Variants in SCHIP1 observed in about 807,000 individuals in gnomAD.
SCHIP1 encodes the protein schwannomin-interacting protein 1.
A neutral mutation model predicts 29.7 loss-of-function variants in SCHIP1; 8 were observed. That is an observed-to-expected ratio of 0.27 (90% CI 0.16 to 0.49). The LOEUF is 0.49. SCHIP1 is among the 20% of genes least tolerant of loss of function. SCHIP1 has a pLI of 0.99. For missense variants in SCHIP1, 193 were observed against 294.6 expected, an observed-to-expected ratio of 0.66 and a Z score of 2.52; for synonymous variants, 76 against 94.9, an observed-to-expected ratio of 0.80 and a Z score of 1.16.
the SCHIP1 span, among the ~76,000 whole-genome samples, chr3:159,392,304 ACT>A: frequency 6.6e-6 from 1 of 151,730 alleles, no homozygotes; most frequent in Non-Finnish European, 1.5e-5. Flanking sequence ...TCTTGCCAGC[ACT>A]CTTTTTTTCC....
chr3:159,585,329 C>A, the SCHIP1 span, among the ~76,000 whole-genome samples: 1 of 152,080 alleles, frequency 6.6e-6, no homozygotes, highest in South Asian at 2.1e-4. Context: ...GAATCCATGA[C>A]CTTAAAAGGG....
chr3:159,716,806 C>T, the SCHIP1 span, among the ~76,000 whole-genome samples: 2 of 152,148 alleles, frequency 1.3e-5, no homozygotes, highest in Non-Finnish European at 2.9e-5. Flanking sequence ...TTTAACACCC[C>T]ACTGTCAACA....
the SCHIP1 span, among the ~76,000 whole-genome samples, chr3:159,496,240 C>T: frequency 6.6e-6 from 1 of 152,038 alleles, no homozygotes; most frequent in Middle Eastern, 3.2e-3. Flanking sequence ...CAACAAAAAC[C>T]AAAATTGACA....
chr3:159,625,192 T>G, the SCHIP1 span, among the ~76,000 whole-genome samples: 130 of 152,280 alleles, frequency 8.5e-4, 2 homozygotes, highest in East Asian at 0.022. Flanking sequence ...GTCCACCTCC[T>G]AAATCTCCCA....
chr3:159,464,532 A>G, the SCHIP1 span, among the ~76,000 whole-genome samples: 3 of 152,178 alleles, frequency 2.0e-5, no homozygotes, highest in Non-Finnish European at 4.4e-5. Flanking sequence ...TGAAGGTTCA[A>G]ATGGTATGGT....
the SCHIP1 span, among the ~76,000 whole-genome samples, chr3:159,630,225 A>G: frequency 6.6e-6 from 1 of 152,124 alleles, no homozygotes; most frequent in Non-Finnish European, 1.5e-5. Flanking sequence ...GATGAAAGAA[A>G]AACACACATA....
the SCHIP1 span, chr3:159,721,845 C>A: frequency 5.0e-6 from 2 of 397,034 alleles, no homozygotes; most frequent in South Asian, 2.1e-5. Flanking sequence ...AGCATTGATG[C>A]TGAGGTCCAC....
chr3:159,718,032 G>A, the SCHIP1 span, among the ~76,000 whole-genome samples: 28 of 152,172 alleles, frequency 1.8e-4, no homozygotes, highest in Non-Finnish European at 3.1e-4. Flanking sequence ...CTTATACACC[G>A]TGATTAAGTG....
chr3:159,756,206 C>G, the SCHIP1 span, among the ~76,000 whole-genome samples: 1 of 152,240 alleles, frequency 6.6e-6, no homozygotes, highest in Non-Finnish European at 1.5e-5. Flanking sequence ...AGGGCCCCAC[C>G]CTTGCAGCAA....
chr3:159,274,648 C>T, the SCHIP1 span: 3 of 816,046 alleles, frequency 3.7e-6, no homozygotes, highest in Admixed American at 6.2e-5. Flanking sequence ...ACACAACCAA[C>T]GAAGAAATAA....
At chr3:159,798,648 C>T in the SCHIP1 span, among the ~76,000 whole-genome samples, 2 of 152,040 alleles carry the variant, frequency 1.3e-5, no homozygotes, top group African/African-American at 4.8e-5. Context: ...ATCCCAGCTA[C>T]TCGGGAGCCT....
the SCHIP1 span, among the ~76,000 whole-genome samples, chr3:159,411,408 T>C: frequency 1.3e-5 from 2 of 152,100 alleles, no homozygotes; most frequent in African/African-American, 2.4e-5. Flanking sequence ...TAAATATGTA[T>C]ACCTACTCTG....
At chr3:159,599,370 C>A in the SCHIP1 span, among the ~76,000 whole-genome samples, 1 of 152,118 alleles carries the variant, frequency 6.6e-6, no homozygotes, top group East Asian at 1.9e-4. Flanking sequence ...AAGCAGTGTA[C>A]ACTGTACCCA....
chr3:159,739,417 C>T, the SCHIP1 span, among the ~76,000 whole-genome samples: 27 of 152,262 alleles, frequency 1.8e-4, no homozygotes, highest in African/African-American at 5.3e-4. Context: ...ACAGAGATGA[C>T]GGTGGCCTAG....
At chr3:159,673,646 C>G in the SCHIP1 span, among the ~76,000 whole-genome samples, 1 of 152,180 alleles carries the variant, frequency 6.6e-6, no homozygotes. Context: ...CCTTCTAGGT[C>G]CCCTGAAAGG....
chr3:159,869,889 C>T (rs1042208625), intron 2 of SCHIP1, among the ~76,000 whole-genome samples: 2 of 151,868 alleles, frequency 1.3e-5, no homozygotes, highest in Non-Finnish European at 2.9e-5. Flanking sequence ...AAGGTTTAGA[C>T]ATATTACACA....
the SCHIP1 span, among the ~76,000 whole-genome samples, chr3:159,366,551 C>CCACTT: frequency 2.0e-5 from 3 of 152,148 alleles, no homozygotes; most frequent in Non-Finnish European, 4.4e-5. Context: ...TTAATAATAT[C>CCACTT]CACTTCACAT....
chr3:159,274,121 T>C, the SCHIP1 span: 3 of 985,258 alleles, frequency 3.0e-6, no homozygotes, highest in South Asian at 1.4e-4. Context: ...AATCTAAGTT[T>C]GAGTGTTCTT....
chr3:159,761,750 T>C, the SCHIP1 span, among the ~76,000 whole-genome samples: 1 of 152,228 alleles, frequency 6.6e-6, no homozygotes, highest in Non-Finnish European at 1.5e-5. Context: ...ATGTTTATAT[T>C]TGGCTTTGAA....
Sources: allele counts gnomAD v4.1 joint callset (sites outside exome capture counted in the v4.1 genomes callset), GRCh38; gene constraint gnomAD v4.1.1; transcripts MANE v1.5; gene names NCBI Gene and HGNC (gene_info 2026-07-23, HGNC 2026-07-21).